The following STK32A variants were observed in gnomAD, a reference collection of about 807,000 sequenced individuals.
The protein encoded by STK32A is serine/threonine-protein kinase 32A.
A neutral mutation model predicts 53.2 loss-of-function variants in STK32A; 41 were observed. The observed-to-expected ratio is 0.77, with a 90% CI of 0.60 to 1.00. STK32A has a LOEUF of 1.00. Among genes scored for constraint, STK32A ranks in the 50% least tolerant of loss-of-function variants. STK32A has a pLI of 0.00. For missense variants in STK32A, 458 were observed against 485.8 expected (o/e 0.94, Z 0.54); for synonymous variants, 166 against 162.8 (o/e 1.02, Z -0.15).
the STK32A span, among the ~76,000 whole-genome samples, chr5:147,400,467 C>A: frequency 2.6e-5 from 4 of 152,228 alleles, no homozygotes; most frequent in Non-Finnish European, 5.9e-5. Flanking sequence ...CTAGTCCTAA[C>A]AGTCTAGATA....
At chr5:147,241,242 G>T (rs933199244) in intron 2 of STK32A, among the ~76,000 whole-genome samples, 1 of 152,196 alleles carries the variant, frequency 6.6e-6, no homozygotes, top group South Asian at 2.1e-4. Context: ...ACTTTGGGAG[G>T]CCGAGGCGGG....
At chr5:147,252,987 A>G (rs1289926838) in intron 2 of STK32A, among the ~76,000 whole-genome samples, 1 of 152,176 alleles carries the variant, frequency 6.6e-6, no homozygotes, top group Non-Finnish European at 1.5e-5. Context: ...CTGGGATGAT[A>G]TTCAATATAC....
the STK32A span, chr5:147,400,950 CT>C: frequency 7.7e-7 from 1 of 1,292,202 alleles, no homozygotes; most frequent in Non-Finnish European, 1.0e-6. Flanking sequence ...TTTGGAATGC[CT>C]CCTCTACCTC....
chr5:147,248,530 G>A (rs1753847543), intron 2 of STK32A, among the ~76,000 whole-genome samples: 1 of 152,140 alleles, frequency 6.6e-6, no homozygotes, highest in Non-Finnish European at 1.5e-5. Context: ...GGCAGAATTT[G>A]CTTCCTACTA....
At chr5:147,246,043 T>A (rs147083124) in intron 2 of STK32A, among the ~76,000 whole-genome samples, 1 of 152,334 alleles carries the variant, frequency 6.6e-6, no homozygotes, top group East Asian at 1.9e-4. Context: ...TTGCACTCAA[T>A]TTAATAGGCA....
chr5:147,325,915 A>G (rs1435675748), intron 5 of STK32A, among the ~76,000 whole-genome samples: 1 of 152,196 alleles, frequency 6.6e-6, no homozygotes, highest in Non-Finnish European at 1.5e-5. Flanking sequence ...GATATCAGAA[A>G]GAAGGCAGTG....
At position 147,383,865 on chromosome 5, in the gene STK32A, T is replaced by TC. The variant is rs757371197; in HGVS notation, c.1098-24dup. The TC allele has an allele frequency of 3.5e-6, 5 of 1,423,512 alleles. No homozygotes were observed. The South Asian group carries it at 6.4e-5, about 18-fold the overall frequency. The allele number at this position is 1,423,512 out of a possible 1,614,324, so 88.2% of individuals were successfully genotyped here. A position where few individuals can be genotyped will look rare whatever the true frequency, so the allele number is the denominator to read the frequency against. On this transcript the variant is annotated intron_variant, in intron 12 of 12. Transcript: ENST00000397936. ...ATTTTATTTTTCAAAGAATAAAACA[T>TC]CTTTTTTTTTCTTTTCTTTTTAAGA... is the stretch of plus-strand genomic sequence containing the variant.
At chr5:147,368,381 G>T (rs1273268976) in intron 8 of STK32A, among the ~76,000 whole-genome samples, 2 of 152,034 alleles carry the variant, frequency 1.3e-5, no homozygotes, top group Non-Finnish European at 2.9e-5. Context: ...GCTGCCTTAG[G>T]CTTTTATGAT....
At chr5:147,250,759 G>A (rs1174282145) in intron 2 of STK32A, among the ~76,000 whole-genome samples, 2 of 151,416 alleles carry the variant, frequency 1.3e-5, no homozygotes, top group African/African-American at 4.9e-5. Flanking sequence ...GGCTAACACT[G>A]TGAAACCCCA....
chr5:147,306,173 GT>G (rs1167971565), intron 4 of STK32A, among the ~76,000 whole-genome samples: 1 of 151,910 alleles, frequency 6.6e-6, no homozygotes, highest in Non-Finnish European at 1.5e-5. Flanking sequence ...GTATCTCCCT[GT>G]GGTTTTAATT....
At chr5:147,320,599 A>G (rs1388524669) in intron 4 of STK32A, among the ~76,000 whole-genome samples, 5 of 152,226 alleles carry the variant, frequency 3.3e-5, no homozygotes, top group African/African-American at 7.2e-5. Flanking sequence ...ACAGGAAAAT[A>G]TTTTCAAACT....
chr5:147,313,044 T>TAGTGAGAC (rs1753780613), intron 4 of STK32A, among the ~76,000 whole-genome samples: 1 of 120,558 alleles, frequency 8.3e-6, no homozygotes, highest in Admixed American at 1.1e-4. Flanking sequence ...CTGGGCAACA[T>TAGTGAGAC]AGTGAGACCT....
chr5:147,374,286 C>CAAAA (rs113267930), intron 10 of STK32A, among the ~76,000 whole-genome samples: 2 of 133,940 alleles, frequency 1.5e-5, no homozygotes, highest in African/African-American at 5.3e-5. Context: ...GACCCTGTCT[C>CAAAA]AAAAAAAAAA....
intron 5 of STK32A, among the ~76,000 whole-genome samples, chr5:147,328,864 C>T (rs1390171406): frequency 6.6e-6 from 1 of 152,064 alleles, no homozygotes; most frequent in African/African-American, 2.4e-5. Context: ...AAAGTAGACT[C>T]AATTATGAAT....
chr5:147,241,363 C>G (rs1488657345), intron 2 of STK32A, among the ~76,000 whole-genome samples: 6 of 152,154 alleles, frequency 3.9e-5, no homozygotes, highest in Admixed American at 3.9e-4. Flanking sequence ...CCTGTAGTCC[C>G]AGCTACTCGG....
chr5:147,371,306 C>G lies in STK32A; in HGVS notation c.777+536C>G, dbSNP rs938773610. 4.7e-4 allele frequency among the ~76,000 whole-genome samples: 72 copies of G among 152,210 alleles called. 1 individual carries two copies. Among genetic ancestry groups the G allele is most frequent in the Non-Finnish European group, 1.9e-4 (13 of 67,996 alleles). The stretch of plus-strand genomic sequence containing the variant: ...GACAGTCCAGGATATTTTCCTTATT[C>G]TTAGAATAAAGATTAAAATAATTTT... On this transcript the variant is annotated intron_variant, in intron 9 of 12. Coordinates refer to ENST00000397936, the MANE Select transcript of STK32A (RefSeq NM_001112724.2).
chr5:147,392,370 G>A (rs1160956493), downstream of STK32A: 4 of 152,188 alleles, frequency 2.6e-5, no homozygotes, highest in Non-Finnish European at 4.4e-5. Flanking sequence ...AGCCCAGTGT[G>A]TACTTTTCTC....
At chr5:147,241,405 G>A (rs1173061229) in intron 2 of STK32A, among the ~76,000 whole-genome samples, 1 of 152,178 alleles carries the variant, frequency 6.6e-6, no homozygotes, top group Non-Finnish European at 1.5e-5. Flanking sequence ...CGGGAACCCG[G>A]GAGGCGGAGC....
chr5:147,394,679 CAACA>C, the STK32A span, among the ~76,000 whole-genome samples: 1 of 137,044 alleles, frequency 7.3e-6, no homozygotes. Flanking sequence ...AGAACAACAA[CAACA>C]AAAAAAAAAA....
Sources: allele counts gnomAD v4.1 joint callset (sites outside exome capture counted in the v4.1 genomes callset), GRCh38; gene constraint gnomAD v4.1.1; transcripts MANE v1.5; gene names NCBI Gene and HGNC (gene_info 2026-07-23, HGNC 2026-07-21).